The following FEZ1 variants were observed in gnomAD, a reference collection of about 807,000 sequenced individuals.
FEZ1 encodes fasciculation and elongation protein zeta-1.
A neutral mutation model predicts 49.3 loss-of-function variants in FEZ1; 20 were observed. That is an observed-to-expected ratio of 0.41 (90% confidence interval 0.29 to 0.59). The LOEUF (loss-of-function observed/expected upper bound fraction) is 0.59. FEZ1 is among the 20% of genes least tolerant of loss of function. The pLI, the probability that FEZ1 is intolerant of heterozygous loss-of-function variation, is 0.36. For synonymous variants in FEZ1, 170 were observed against 180.9 expected, an observed-to-expected ratio of 0.94 and a Z score of 0.48; for missense variants, 413 against 476.0, an observed-to-expected ratio of 0.87 and a Z score of 1.23.
intron 2 of FEZ1, among the ~76,000 whole-genome samples, chr11:125,484,028 G>T (rs975422814): frequency 3.3e-5 from 5 of 152,090 alleles, no homozygotes; most frequent in Admixed American, 2.0e-4. Flanking sequence ...ATTTTGTCCA[G>T]GTTTCCTTTT....
At chr11:125,475,039 G>T (rs1203788315) in intron 3 of FEZ1, among the ~76,000 whole-genome samples, 7 of 152,168 alleles carry the variant, frequency 4.6e-5, no homozygotes, top group African/African-American at 1.7e-4. Flanking sequence ...GGAGGCCGGG[G>T]CAGGTGGATC....
chr11:125,488,706 A>G (rs1187922872), intron 2 of FEZ1: 23 of 984,774 alleles, frequency 2.3e-5, no homozygotes, highest in Non-Finnish European at 2.7e-5. Flanking sequence ...AAACAAAACA[A>G]AAAAACACAT....
At chr11:125,485,169 G>GAGATT (rs1316163281) in intron 2 of FEZ1, among the ~76,000 whole-genome samples, 1 of 152,194 alleles carries the variant, frequency 6.6e-6, no homozygotes, top group Non-Finnish European at 1.5e-5. Context: ...TCATTATGCT[G>GAGATT]CCATGACACC....
chr11:125,447,862 T>C (rs908560463), intron 9 of FEZ1, among the ~76,000 whole-genome samples: 3 of 151,884 alleles, frequency 2.0e-5, no homozygotes, highest in Non-Finnish European at 2.9e-5. Flanking sequence ...TTTGTTTTAG[T>C]TGTGAAATGG....
In FEZ1 at chr11:125,450,173, G is replaced by A. The variant is rs111908089; in HGVS notation, c.1097-1606C>T. Among the ~76,000 whole-genome samples, 655 of 152,042 alleles carry A rather than the reference G, an allele frequency of 4.3e-3. 6 individuals are homozygous for A. The highest frequency in any genetic ancestry group is 0.015 in the African/African-American group (602 of 41,474). On this transcript the variant is annotated intron_variant, in intron 8 of 9. Transcript: ENST00000278919. The stretch of plus-strand genomic sequence containing the variant: ...CTCCCAAGTAGCTGGGATTACAGGC[G>A]TGCACCACCACATCTGGCTAATTTT...
At chr11:125,447,779 G>A (rs915812821) in intron 9 of FEZ1, among the ~76,000 whole-genome samples, 19 of 150,124 alleles carry the variant, frequency 1.3e-4, no homozygotes, top group African/African-American at 7.4e-5. Flanking sequence ...CTGAGATCAC[G>A]CCATTGCACT....
intron 5 of FEZ1, among the ~76,000 whole-genome samples, chr11:125,459,241 T>C (rs1957049365): frequency 6.6e-6 from 1 of 152,206 alleles, no homozygotes; most frequent in South Asian, 2.1e-4. Context: ...TGCAGTCTCT[T>C]CAGAGAGTTG....
At position 125,463,565 on chromosome 11, in the gene FEZ1, A is replaced by G. The variant is rs539847932; in HGVS notation, c.417T>C (p.His139=). Residue 139 remains histidine, a synonymous_variant, in exon 4 of 10, where the codon CAT becomes CAC. Transcript: ENST00000278919. ...CATTGAACTCTTCCTCTTCTTTCTC[A>G]TGGATCTGGAGAGGAGGTGGGGAGA... The part of the protein sequence containing the change: ...LNGNCSDTEI[H]EKEEEEFNEK... 4.4e-6 allele frequency: 7 copies of G among 1,601,322 alleles called. No homozygotes were observed. Among genetic ancestry groups the G allele is most frequent in the South Asian group, 1.1e-5 (1 of 90,846 alleles).
Position 125,489,451 on chromosome 11 carries a change from A to C in FEZ1, c.311+16T>G. On this transcript the variant is annotated intron_variant, in intron 2 of 9. Coordinates refer to ENST00000278919, the MANE Select transcript of FEZ1 (RefSeq NM_005103.5). This position sits in a 1 kb window ranked among gnomAD's most constrained non-coding sequence, Gnocchi z 4.2. ...GCTCTCGACTGAAGCAGGAGAGGGCAATTAAGACTTCTTACTCCTCGTCCT... is the reference window on the plus strand; with the variant it reads ...GCTCTCGACTGAAGCAGGAGAGGGCCATTAAGACTTCTTACTCCTCGTCCT... 1 of 1,601,400 alleles carries C rather than the reference A, an allele frequency of 6.2e-7. No homozygotes were observed. Among genetic ancestry groups the C allele is most frequent in the Non-Finnish European group, 8.5e-7 (1 of 1,174,422 alleles).
intron 2 of FEZ1, 38 bp from the exon 3 acceptor site, chr11:125,481,671 T>C (rs758255189): frequency 7.1e-7 from 1 of 1,415,824 alleles, no homozygotes; most frequent in South Asian, 1.1e-5. Context: ...CACACATCTG[T>C]GGCCTGGCCC....
rs756541178 is a variant in FEZ1 at position 125,460,480 on chromosome 11, A to C, written c.667+18T>G. On this transcript the variant is annotated intron_variant, in intron 5 of 9. Coordinates refer to ENST00000278919, the MANE Select transcript of FEZ1 (RefSeq NM_005103.5). ...CAGGTGCTTCCTCCTCGGCCAGCCC[A>C]GCGCCCAGGGCCCTCACCTTCATAG... 31 of 1,610,188 alleles carry C rather than the reference A, an allele frequency of 1.9e-5. No homozygotes were observed. The highest frequency in any genetic ancestry group is 1.8e-4 in the South Asian group (16 of 90,674).
At chr11:125,470,880 A>G (rs1000165510) in intron 3 of FEZ1, among the ~76,000 whole-genome samples, 15 of 152,274 alleles carry the variant, frequency 9.9e-5, no homozygotes, top group African/African-American at 3.4e-4. Context: ...TGTCTAAAGC[A>G]AAAATAATAA....
At chr11:125,480,280 G>C (rs1194108885) in intron 3 of FEZ1, among the ~76,000 whole-genome samples, 2 of 152,176 alleles carry the variant, frequency 1.3e-5, no homozygotes, top group Admixed American at 6.5e-5. Context: ...GGGAGGGGGT[G>C]GTGGGTAAGG....
At position 125,454,106 on chromosome 11, in the gene FEZ1, T is replaced by A. The variant is rs372597159; in HGVS notation, c.1020+24A>T. On this transcript the variant is annotated intron_variant, in intron 7 of 9. Coordinates refer to ENST00000278919, the MANE Select transcript of FEZ1 (RefSeq NM_005103.5). ...AGCTGCAGGAGTCTAGGAAGAGAGC[T>A]TGGAGCAGGGAGACTACGCGTACCT... The A allele has an allele frequency of 1.7e-5, 27 of 1,581,954 alleles. No individual in the cohort carries two copies. In the African/African-American group the frequency reaches 3.5e-4, roughly 21 times the overall value.
intron 2 of FEZ1, among the ~76,000 whole-genome samples, chr11:125,487,860 T>C (rs1957339994): frequency 1.3e-5 from 2 of 152,198 alleles, no homozygotes; most frequent in Admixed American, 1.3e-4. Context: ...GGCCCCTCTA[T>C]GTGTAAAAGT....
At chr11:125,472,911 T>C (rs1029516884) in intron 3 of FEZ1, among the ~76,000 whole-genome samples, 1 of 152,128 alleles carries the variant, frequency 6.6e-6, no homozygotes, top group Non-Finnish European at 1.5e-5. Flanking sequence ...GATAAATTGA[T>C]CTACATATAT....
chr11:125,444,538 T>C lies in FEZ1; in HGVS notation c.*1557A>G, dbSNP rs59629390. On this transcript the variant is annotated 3_prime_UTR_variant, in exon 10 of 10. Transcript: ENST00000278919. ...AGGCGGAGTTTGCGGCGAGCTGAGA[T>C]AGCGCCATTGTACTCCAGCCTGAGC... Among the ~76,000 whole-genome samples the C allele has an allele frequency of 1.8e-4, 27 of 151,820 alleles. 1 individual carries two copies. Among genetic ancestry groups the C allele is most frequent in the East Asian group, 1.6e-3 (8 of 5,156 alleles).
chr11:125,488,229 T>C (rs1193746275), intron 2 of FEZ1, among the ~76,000 whole-genome samples: 2 of 152,252 alleles, frequency 1.3e-5, no homozygotes, highest in Non-Finnish European at 2.9e-5. Context: ...TTACAATATA[T>C]TGTTATAATT....
Position 125,449,441 on chromosome 11 carries a change from A to AAAAAAAAAAAAAAAAAAAAAAAAAAAAAG in FEZ1, c.1097-875_1097-874insCTTTTTTTTTTTTTTTTTTTTTTTTTTTT, listed in dbSNP as rs796507357. Among the ~76,000 whole-genome samples the AAAAAAAAAAAAAAAAAAAAAAAAAAAAAG allele has an allele frequency of 1.7e-4, 22 of 128,248 alleles. 1 individual carries two copies. The highest frequency in any genetic ancestry group is 5.7e-4 in the East Asian group (2 of 3,518). The allele number at this position is 128,248 out of a possible 152,430, so 84.1% of individuals were successfully genotyped here. A position where few individuals can be genotyped will look rare whatever the true frequency, so the allele number is the denominator to read the frequency against. On this transcript the variant is annotated intron_variant, in intron 8 of 9. Transcript: ENST00000278919. ...ATAAAAAAAAAAAAAAAAAAAAAAA[A>AAAAAAAAAAAAAAAAAAAAAAAAAAAAAG]AAGAAGAAGAGGAAGAAAAGAAAAA...
Sources: allele counts gnomAD v4.1 joint callset (sites outside exome capture counted in the v4.1 genomes callset), GRCh38; gene constraint gnomAD v4.1.1; non-coding constraint Gnocchi (gnomAD v3.1); transcripts MANE v1.5; gene names NCBI Gene and HGNC (gene_info 2026-07-23, HGNC 2026-07-21).